The following CTNND2 variants were observed in gnomAD, a reference collection of about 807,000 sequenced individuals.
CTNND2 encodes the protein catenin delta 2, also known as catenin delta-2.
CTNND2 carries 22 observed loss-of-function variants against 144.4 expected under a neutral mutation model. That is an observed-to-expected ratio of 0.15 (90% CI 0.11 to 0.22). CTNND2 has a LOEUF of 0.22. Among genes scored for constraint, CTNND2 ranks in the 10% least tolerant of loss-of-function variants. CTNND2 has a pLI of 1.00. For synonymous variants in CTNND2, 751 were observed against 695.6 expected (o/e 1.08, Z -1.25); for missense variants, 1,353 against 1,618.8 (o/e 0.84, Z 2.82).
chr5:11,104,771 G>A (rs894412640), intron 14 of CTNND2, among the ~76,000 whole-genome samples: 2 of 152,176 alleles, frequency 1.3e-5, no homozygotes, highest in Non-Finnish European at 2.9e-5. Context: ...CTAATTAGCT[G>A]TATTTATGTG....
chr5:11,558,094 G>A (rs76168701), intron 3 of CTNND2, among the ~76,000 whole-genome samples: 15,441 of 152,206 alleles, frequency 0.1, 941 homozygotes, highest in Middle Eastern at 0.17. Context: ...AGCGAAGTTG[G>A]TTAGTTTCAG....
At chr5:11,415,606 C>T (rs973177644) in intron 3 of CTNND2, among the ~76,000 whole-genome samples, 1 of 152,062 alleles carries the variant, frequency 6.6e-6, no homozygotes, top group African/African-American at 2.4e-5. Context: ...AAGAGTAAGA[C>T]CACTGCCTCT....
At chr5:11,369,098 T>C (rs1490827073) in intron 7 of CTNND2, among the ~76,000 whole-genome samples, 1 of 152,248 alleles carries the variant, frequency 6.6e-6, no homozygotes, top group Non-Finnish European at 1.5e-5. Flanking sequence ...CAACCATTTT[T>C]CTGATAATTC....
At chr5:11,760,107 T>C (rs1020177697) in intron 1 of CTNND2, among the ~76,000 whole-genome samples, 3 of 148,372 alleles carry the variant, frequency 2.0e-5, no homozygotes, top group African/African-American at 5.0e-5. Flanking sequence ...GGAGAAGCCA[T>C]AGGTAAAATA....
intron 1 of CTNND2, among the ~76,000 whole-genome samples, chr5:11,871,148 G>A (rs1327002654): frequency 2.6e-5 from 4 of 152,156 alleles, no homozygotes; most frequent in Non-Finnish European, 5.9e-5. Flanking sequence ...CAGAAGGGGG[G>A]CCCTCATTCT....
At chr5:11,306,914 G>A (rs755072807) in intron 9 of CTNND2, among the ~76,000 whole-genome samples, 2 of 152,162 alleles carry the variant, frequency 1.3e-5, no homozygotes, top group Non-Finnish European at 2.9e-5. Flanking sequence ...CTCGCACTGT[G>A]CTTCCTTTTT....
At chr5:11,638,826 A>T (rs1781842953) in intron 2 of CTNND2, among the ~76,000 whole-genome samples, 1 of 152,054 alleles carries the variant, frequency 6.6e-6, no homozygotes, top group African/African-American at 2.4e-5. Flanking sequence ...CACCCACCTC[A>T]GCCCCGCAAA....
At chr5:11,010,712 T>C (rs979314253) in intron 18 of CTNND2, among the ~76,000 whole-genome samples, 3 of 152,258 alleles carry the variant, frequency 2.0e-5, no homozygotes, top group South Asian at 2.1e-4. Context: ...TATTGATTTC[T>C]TGTTTTGTGA....
At chr5:10,974,836 T>C (rs1561103798) in intron 21 of CTNND2, among the ~76,000 whole-genome samples, 1 of 152,210 alleles carries the variant, frequency 6.6e-6, no homozygotes, top group Non-Finnish European at 1.5e-5. Flanking sequence ...TGTGTGTAAA[T>C]GAATGCTTTT....
At chr5:11,213,349 A>G (rs1738836600) in intron 10 of CTNND2, among the ~76,000 whole-genome samples, 1 of 152,058 alleles carries the variant, frequency 6.6e-6, no homozygotes, top group South Asian at 2.1e-4. Context: ...GCTGGATTTG[A>G]CCACTATGAC....
intron 15 of CTNND2, chr5:11,083,840 C>A (rs1749858256): frequency 6.5e-6 from 7 of 1,077,666 alleles, no homozygotes; most frequent in Admixed American, 5.0e-5. Flanking sequence ...CCTCCACCCC[C>A]CTTCCCCCAT....
At chr5:11,259,985 C>A (rs26452) in intron 9 of CTNND2, among the ~76,000 whole-genome samples, 71,183 of 152,006 alleles carry the variant, frequency 0.47, 16,794 homozygotes, top group Middle Eastern at 0.49. Flanking sequence ...GATATTGCAA[C>A]TACTACTTAA....
chr5:11,861,363 C>T (rs1795496781), intron 1 of CTNND2, among the ~76,000 whole-genome samples: 1 of 152,198 alleles, frequency 6.6e-6, no homozygotes, highest in Non-Finnish European at 1.5e-5. Context: ...ACCTCTCCCA[C>T]CCAAACTTCA....
chr5:11,861,446 C>A (rs2127026192), intron 1 of CTNND2, among the ~76,000 whole-genome samples: 1 of 152,304 alleles, frequency 6.6e-6, no homozygotes, highest in Non-Finnish European at 1.5e-5. Flanking sequence ...CATCTTTTAT[C>A]CAGCTATTTC....
chr5:11,498,181 C>T (rs1225770743), intron 3 of CTNND2, among the ~76,000 whole-genome samples: 1 of 152,088 alleles, frequency 6.6e-6, no homozygotes, highest in Non-Finnish European at 1.5e-5. Context: ...ATTTTACTGC[C>T]ACAATAACAG....
chr5:11,845,149 T>C (rs912992697), intron 1 of CTNND2, among the ~76,000 whole-genome samples: 6 of 152,146 alleles, frequency 3.9e-5, no homozygotes, highest in Non-Finnish European at 8.8e-5. Flanking sequence ...GGAAGTGAAA[T>C]AGCCAGGACC....
At chr5:11,830,262 A>C (rs1793822883) in intron 1 of CTNND2, among the ~76,000 whole-genome samples, 1 of 152,122 alleles carries the variant, frequency 6.6e-6, no homozygotes, top group Admixed American at 6.5e-5. Flanking sequence ...GGAAGGCATG[A>C]TTAGTTTTGA....
In CTNND2 at chr5:11,412,085, T is replaced by C. The variant is rs1561354651; in HGVS notation, c.288-16A>G. 2 of 1,601,286 alleles carry C rather than the reference T, an allele frequency of 1.2e-6. No homozygotes were observed. Among genetic ancestry groups the C allele is most frequent in the Admixed American group, 3.3e-5 (2 of 59,896 alleles). ...TTCTGCTGAACTGTAAAAAAGAAAA[T>C]ACAGAGATATAATGCATTGATTAGA... is the stretch of plus-strand genomic sequence containing the variant. On this transcript the variant is annotated splice_polypyrimidine_tract_variant and intron_variant, in intron 3 of 21. Transcript: ENST00000304623.
intron 3 of CTNND2, among the ~76,000 whole-genome samples, chr5:11,441,786 T>C (rs1278999574): frequency 6.6e-6 from 1 of 152,074 alleles, no homozygotes; most frequent in Non-Finnish European, 1.5e-5. Flanking sequence ...TGGAGGGAAG[T>C]GCATCCATCA....
Sources: gnomAD v4.1 joint callset for allele counts (sites outside exome capture counted in the v4.1 genomes callset) on GRCh38, gnomAD v4.1.1 for gene constraint, MANE v1.5 for transcripts, NCBI Gene and HGNC (gene_info 2026-07-23, HGNC 2026-07-21) for gene names.